The following HECTD4 variants were observed in gnomAD, a reference collection of about 807,000 sequenced individuals.
HECTD4 encodes the protein probable E3 ubiquitin-protein ligase HECTD4.
Under a neutral mutation model 471.5 loss-of-function variants are expected in HECTD4, and 114 were observed. That is an observed-to-expected ratio of 0.24 (90% CI 0.21 to 0.28). The LOEUF (loss-of-function observed/expected upper bound fraction) is 0.28. HECTD4 is among the 10% of genes least tolerant of loss of function. The pLI, the probability that HECTD4 is intolerant of heterozygous loss-of-function variation, is 1.00. For synonymous variants in HECTD4, 2,012 were observed against 2,256.0 expected, an observed-to-expected ratio of 0.89 and a Z score of 3.07; for missense variants, 3,866 against 5,651.5, an observed-to-expected ratio of 0.68 and a Z score of 10.13.
intron 1 of HECTD4, among the ~76,000 whole-genome samples, chr12:112,370,388 A>G (rs1276481234): frequency 6.6e-6 from 1 of 152,224 alleles, no homozygotes; most frequent in Non-Finnish European, 1.5e-5. Flanking sequence ...ATCTGTTAAC[A>G]TGGCAACAGG....
At chr12:112,260,025 TA>T (rs2034108980) in intron 18 of HECTD4, among the ~76,000 whole-genome samples, 1 of 152,088 alleles carries the variant, frequency 6.6e-6, no homozygotes, top group South Asian at 2.1e-4. Flanking sequence ...TCAGTGTTAT[TA>T]AATAATGTTG....
rs1162219231 is a variant in HECTD4 at position 112,185,319 on chromosome 12, T to C, written c.9647A>G (p.Gln3216Arg). 1 of 1,580,880 alleles carries C rather than the reference T, an allele frequency of 6.3e-7. No homozygotes were observed. Among genetic ancestry groups the C allele is most frequent in the African/African-American group, 1.3e-5 (1 of 74,148 alleles). ...NPCLAMLMAL[Q>R]SELHKLYDEE... ...GTCGTACAGCTTGTGGAGCTCCGAC[T>C]GCAAGGCCATCAGCATGGCCAGGCA... Residue 3216 changes from glutamine (Q) to arginine (R), a missense_variant, in exon 61 of 76, where the codon CAG (glutamine) becomes CGG (arginine). Coordinates refer to ENST00000682272, the MANE Select transcript of HECTD4 (RefSeq NM_001388303.1).
intron 1 of HECTD4, among the ~76,000 whole-genome samples, chr12:112,366,013 C>T (rs765380238): frequency 4.4e-4 from 67 of 151,840 alleles, no homozygotes; most frequent in African/African-American, 1.1e-3. Flanking sequence ...TGGGCTCAGG[C>T]GATCCACCCG....
chr12:112,217,334 CAT>C (rs1338096295), intron 45 of HECTD4, 139 bp from the exon 46 acceptor site: 84 of 450,002 alleles, frequency 1.9e-4, no homozygotes, highest in African/African-American at 1.1e-3. Context: ...CACACACACA[CAT>C]ACACACACAC....
chr12:112,237,716 C>A (rs1402620366), intron 34 of HECTD4, among the ~76,000 whole-genome samples: 1 of 151,904 alleles, frequency 6.6e-6, no homozygotes. Context: ...GCACTGATTA[C>A]ACTATAAGTA....
chr12:112,323,411 A>G (rs932886251), intron 1 of HECTD4, among the ~76,000 whole-genome samples: 2 of 152,188 alleles, frequency 1.3e-5, no homozygotes, highest in Non-Finnish European at 2.9e-5. Context: ...GTTTTAAAAA[A>G]ATTCAGTGCC....
intron 7 of HECTD4, among the ~76,000 whole-genome samples, chr12:112,305,681 T>C (rs569579105): frequency 2.6e-5 from 4 of 152,066 alleles, no homozygotes; most frequent in Admixed American, 2.6e-4. Context: ...GGCTAATATC[T>C]AAAAGGTAAG....
intron 1 of HECTD4, among the ~76,000 whole-genome samples, chr12:112,327,985 A>G (rs1215686206): frequency 6.6e-6 from 1 of 152,184 alleles, no homozygotes; most frequent in African/African-American, 2.4e-5. Flanking sequence ...TTATATTACT[A>G]TACTCCCCGG....
chr12:112,303,862 T>TAA (rs113450179), intron 7 of HECTD4, among the ~76,000 whole-genome samples: 1 of 113,896 alleles, frequency 8.8e-6, no homozygotes. Context: ...TCTCTCAAAA[T>TAA]AAAAAAAAAA....
At position 112,163,080 on chromosome 12, in the gene HECTD4, G is replaced by A. The variant is rs1188443858; in HGVS notation, c.13082C>T (p.Pro4361Leu). 2.5e-6 allele frequency: 4 copies of A among 1,613,484 alleles called. No individual in the cohort carries two copies. The highest frequency in any genetic ancestry group is 1.3e-5 in the African/African-American group (1 of 74,888). ...DGGPDTAHVPPYPMKIAPPDG... is the reference protein window; with the variant it reads ...DGGPDTAHVPLYPMKIAPPDG... ...TGGGGGGGCGATCTTCATGGGGTAC[G>A]GGGGCACATGGGCAGTGTCGGGACC... Residue 4361 changes from proline (P) to leucine (L), a missense_variant, in exon 75 of 76, where the codon CCG (proline) becomes CTG (leucine). Physicochemically the swap from Pro to Leu is moderately conservative, Grantham distance 98. Around this residue, in one of 16 missense-constraint regions of HECTD4, gnomAD observed 715 missense variants for 1,087.6 expected, o/e 0.66. Transcript: ENST00000682272. The surrounding 1 kb of genome is among the most constrained non-coding windows in gnomAD (Gnocchi z 8.2).
At chr12:112,359,378 C>T (rs2036409632) in intron 1 of HECTD4, among the ~76,000 whole-genome samples, 2 of 152,032 alleles carry the variant, frequency 1.3e-5, no homozygotes, top group Admixed American at 1.3e-4. Context: ...ACCCCCCTCC[C>T]CAGCAACCAC....
chr12:112,204,692 C>G, intron 52 of HECTD4, 69 bp from the exon 53 acceptor site: 1 of 1,193,196 alleles, frequency 8.4e-7, no homozygotes, highest in East Asian at 2.4e-5. Context: ...CACTGACTTA[C>G]ATGTAGAGTG....
At chr12:112,265,079 G>C in intron 16 of HECTD4, 96 bp downstream of exon 16, 3 of 1,154,616 alleles carry the variant, frequency 2.6e-6, no homozygotes, top group South Asian at 4.2e-5. Context: ...ATAAATTATT[G>C]TAAGTCTGTA....
At position 112,172,774 on chromosome 12, in the gene HECTD4, G is replaced by A; in HGVS notation, c.11682C>T (p.Asn3894=). 1.2e-6 allele frequency: 2 copies of A among 1,614,004 alleles called. No homozygotes were observed. The highest frequency in any genetic ancestry group is 1.1e-5 in the South Asian group (1 of 91,086). Residue 3894 remains asparagine (N), a synonymous_variant, in exon 67 of 76, where the codon AAC becomes AAT. Coordinates refer to ENST00000682272, the MANE Select transcript of HECTD4 (RefSeq NM_001388303.1). ...TGATGGCGAGGTGGCGGCATAGCTG[G>A]TTGATGTACTGCACAAGTGCCACGT... ...EMDVALVQYI[N]QLCRHLAITP... is the part of the protein sequence containing the mutation.
At chr12:112,238,280 A>C (rs1047550416) in intron 34 of HECTD4, among the ~76,000 whole-genome samples, 1 of 151,882 alleles carries the variant, frequency 6.6e-6, no homozygotes, top group African/African-American at 2.4e-5. Flanking sequence ...TGGCACGATC[A>C]CAGCTCACTG....
At chr12:112,308,725 T>C in intron 6 of HECTD4, 28 bp downstream of exon 6, 1 of 1,518,842 alleles carries the variant, frequency 6.6e-7, no homozygotes, top group South Asian at 1.2e-5. Flanking sequence ...TAAAATATGT[T>C]TTAAAAATGC....
chr12:112,327,000 A>G (rs1275673217), intron 1 of HECTD4, among the ~76,000 whole-genome samples: 1 of 152,220 alleles, frequency 6.6e-6, no homozygotes, highest in East Asian at 1.9e-4. Context: ...TGTTTATTAT[A>G]GTGGGAAAGG....
intron 50 of HECTD4, 146 bp downstream of exon 50, chr12:112,209,869 A>G: frequency 1.5e-6 from 1 of 663,518 alleles, no homozygotes; most frequent in Admixed American, 2.5e-5. Context: ...TTCTTTCACC[A>G]GGCCTGTGAC....
At chr12:112,293,586 T>C (rs550698786) in intron 7 of HECTD4, among the ~76,000 whole-genome samples, 1 of 152,010 alleles carries the variant, frequency 6.6e-6, no homozygotes, top group Non-Finnish European at 1.5e-5. Flanking sequence ...AAGTAGAATT[T>C]TACTTCAATA....
Sources: allele counts gnomAD v4.1 joint callset (sites outside exome capture counted in the v4.1 genomes callset), GRCh38; gene constraint gnomAD v4.1.1; regional missense constraint gnomAD v4.1.1; non-coding constraint Gnocchi (gnomAD v3.1); transcripts MANE v1.5; gene names NCBI Gene and HGNC (gene_info 2026-07-23, HGNC 2026-07-21).